SMYD3: variants seen among roughly 807,000 people sequenced by gnomAD.
The protein encoded by SMYD3 is histone-lysine N-methyltransferase SMYD3.
SMYD3 carries 36 observed loss-of-function variants against 57.7 expected under a neutral mutation model. The observed-to-expected ratio is 0.62, with a 90% CI of 0.48 to 0.82. The LOEUF (loss-of-function observed/expected upper bound fraction) is 0.82. Ranked by LOEUF, SMYD3 falls within the 40% of genes least tolerant of loss-of-function variation. SMYD3 has a pLI of 0.00. For synonymous variants in SMYD3, 211 were observed against 195.0 expected (o/e 1.08, Z -0.68); for missense variants, 515 against 538.8 (o/e 0.96, Z 0.44).
intron 5 of SMYD3, among the ~76,000 whole-genome samples, chr1:245,982,968 C>T (rs963933221): frequency 2.0e-5 from 3 of 152,190 alleles, no homozygotes; most frequent in Admixed American, 1.3e-4. Context: ...CATTTATCAA[C>T]GCAAATGCTC....
chr1:246,347,302 C>G (rs530729639), intron 2 of SMYD3, among the ~76,000 whole-genome samples: 2 of 152,186 alleles, frequency 1.3e-5, no homozygotes, highest in African/African-American at 4.8e-5. Context: ...CAGATTAATG[C>G]CAGGCACCAA....
At chr1:245,878,801 A>C (rs1348997846) in intron 8 of SMYD3, among the ~76,000 whole-genome samples, 2 of 152,208 alleles carry the variant, frequency 1.3e-5, no homozygotes, top group Non-Finnish European at 1.5e-5. Context: ...TGTTGATGTC[A>C]TCAGCAGTTG....
chr1:246,398,523 C>T (rs2066713304), intron 1 of SMYD3, among the ~76,000 whole-genome samples: 1 of 152,196 alleles, frequency 6.6e-6, no homozygotes, highest in Non-Finnish European at 1.5e-5. Context: ...GTGATGACCT[C>T]TACTTGGGAA....
chr1:246,414,603 A>T (rs913799355), intron 1 of SMYD3, among the ~76,000 whole-genome samples: 2 of 147,928 alleles, frequency 1.4e-5, no homozygotes, highest in Non-Finnish European at 3.0e-5. Flanking sequence ...AAATATATAT[A>T]TTCATATACA....
At chr1:246,015,737 G>T (rs2059365542) in intron 5 of SMYD3, among the ~76,000 whole-genome samples, 2 of 152,110 alleles carry the variant, frequency 1.3e-5, no homozygotes, top group Admixed American at 6.6e-5. Context: ...TGTCTTCAAG[G>T]TTCACCCATG....
intron 10 of SMYD3, among the ~76,000 whole-genome samples, chr1:245,828,287 T>C (rs940422896): frequency 3.3e-5 from 5 of 152,154 alleles, no homozygotes; most frequent in African/African-American, 1.2e-4. Context: ...AATTCTTCAA[T>C]AAATTAACAT....
chr1:246,361,833 T>C (rs529654506), intron 1 of SMYD3, among the ~76,000 whole-genome samples: 7 of 152,198 alleles, frequency 4.6e-5, no homozygotes, highest in South Asian at 2.1e-4. Flanking sequence ...AGACTACACA[T>C]TGGGTACAGT....
At chr1:246,503,662 G>T (rs2068491321) in intron 1 of SMYD3, among the ~76,000 whole-genome samples, 1 of 152,128 alleles carries the variant, frequency 6.6e-6, no homozygotes, top group African/African-American at 2.4e-5. Flanking sequence ...ACGGCAGAAG[G>T]ACAATATAAG....
chr1:245,958,152 G>C (rs562651038), intron 5 of SMYD3, among the ~76,000 whole-genome samples: 1 of 152,090 alleles, frequency 6.6e-6, no homozygotes, highest in Non-Finnish European at 1.5e-5. Context: ...TTTCACAAAC[G>C]AGGCTTCTAA....
intron 5 of SMYD3, among the ~76,000 whole-genome samples, chr1:245,969,273 T>C (rs1039396118): frequency 6.6e-6 from 1 of 152,194 alleles, no homozygotes. Flanking sequence ...ACATAAAAGA[T>C]AGCTAGTGTT....
At chr1:246,148,965 G>A (rs2061899981) in intron 5 of SMYD3, among the ~76,000 whole-genome samples, 1 of 152,178 alleles carries the variant, frequency 6.6e-6, no homozygotes, top group Non-Finnish European at 1.5e-5. Context: ...TACAACTCAG[G>A]GTGGGTCCCA....
intron 5 of SMYD3, among the ~76,000 whole-genome samples, chr1:246,192,028 T>C (rs367761477): frequency 3.1e-4 from 47 of 152,342 alleles, no homozygotes; most frequent in African/African-American, 1.1e-3. Flanking sequence ...TTAAGAATCA[T>C]ACATTGAAGA....
chr1:245,769,488 C>T (rs1017994776), intron 10 of SMYD3, among the ~76,000 whole-genome samples: 3 of 152,152 alleles, frequency 2.0e-5, no homozygotes, highest in Non-Finnish European at 2.9e-5. Flanking sequence ...AGCCCGGACC[C>T]GGGATCTTCA....
chr1:246,328,989 T>C (rs1036394753), intron 4 of SMYD3, among the ~76,000 whole-genome samples: 29 of 152,122 alleles, frequency 1.9e-4, no homozygotes, highest in Non-Finnish European at 4.0e-4. Context: ...TGATTTCCAA[T>C]TTCATCCATG....
At chr1:246,311,773 A>G (rs924344891) in intron 5 of SMYD3, among the ~76,000 whole-genome samples, 7 of 152,246 alleles carry the variant, frequency 4.6e-5, no homozygotes, top group African/African-American at 1.7e-4. Context: ...TGGTTCAAAA[A>G]TACCCAGCCT....
At chr1:245,985,326 A>G (rs1399764252) in intron 5 of SMYD3, among the ~76,000 whole-genome samples, 1 of 152,122 alleles carries the variant, frequency 6.6e-6, no homozygotes, top group Non-Finnish European at 1.5e-5. Flanking sequence ...CTAAACTTCA[A>G]CTACATAGAA....
intron 7 of SMYD3, among the ~76,000 whole-genome samples, chr1:245,918,641 C>T (rs112600092): frequency 0.05 from 7,626 of 152,284 alleles, 281 homozygotes; most frequent in South Asian, 0.12. Flanking sequence ...TAACCTATTT[C>T]CAAGCTCACT....
At chr1:246,078,645 C>A (rs1014478881) in intron 5 of SMYD3, among the ~76,000 whole-genome samples, 1 of 152,150 alleles carries the variant, frequency 6.6e-6, no homozygotes, top group African/African-American at 2.4e-5. Flanking sequence ...AAGGGTACTT[C>A]CACAACTGCA....
chr1:246,229,059 C>G (rs1370629630), intron 5 of SMYD3, among the ~76,000 whole-genome samples: 4 of 152,134 alleles, frequency 2.6e-5, no homozygotes, highest in African/African-American at 9.7e-5. Flanking sequence ...ACAAATAAAG[C>G]TACACTATTT....
Sources: gnomAD v4.1 joint callset for allele counts (sites outside exome capture counted in the v4.1 genomes callset) on GRCh38, gnomAD v4.1.1 for gene constraint, MANE v1.5 for transcripts, NCBI Gene and HGNC (gene_info 2026-07-23, HGNC 2026-07-21) for gene names.